Variants in NBR1 observed in about 807,000 individuals in gnomAD.
NBR1 encodes NBR1 autophagy cargo receptor, also known as next to BRCA1 gene 1 protein.
In NBR1, 59 loss-of-function variants were observed where a neutral mutation model predicts 115.5. The observed-to-expected ratio is 0.51, with a 90% CI of 0.41 to 0.63. The LOEUF (loss-of-function observed/expected upper bound fraction) is 0.63, where lower values mean the gene tolerates loss of function less well. Ranked by LOEUF, NBR1 falls within the 30% of genes least tolerant of loss-of-function variation. The pLI, the probability that NBR1 is intolerant of heterozygous loss-of-function variation, is 0.00. For missense variants in NBR1, 1,043 were observed against 1,150.5 expected (o/e 0.91, Z 1.35); for synonymous variants, 373 against 414.7 (o/e 0.90, Z 1.22).
At chr17:43,204,028 C>G (rs551065442) in intron 20 of NBR1, among the ~76,000 whole-genome samples, 6 of 151,832 alleles carry the variant, frequency 4.0e-5, no homozygotes, top group Non-Finnish European at 8.8e-5. Context: ...AGCTCCACCT[C>G]CTGGGTTCAC....
chr17:43,178,043 A>G (rs2154581959), intron 3 of NBR1, 45 bp downstream of exon 3: 1 of 1,549,074 alleles, frequency 6.5e-7, no homozygotes, highest in Non-Finnish European at 8.8e-7. Context: ...CAGAATAGGG[A>G]TCTTATTTCT....
chr17:43,197,065 C>T lies in NBR1; in HGVS notation c.1985C>T (p.Ala662Val), dbSNP rs754168452. 1.9e-6 allele frequency: 3 copies of T among 1,613,960 alleles called. 1 individual carries two copies. The highest frequency in any genetic ancestry group is 2.5e-6 in the Non-Finnish European group (3 of 1,179,862). The change falls in exon 16 of 21, where the codon GCC becomes GTC. Residue 662 changes from alanine to valine, a missense_variant. Transcript: ENST00000590996. ...ATCCGATCCCTTACCTTGGATGCTG[C>T]CCCAGACCACAACCCTCCTTGCAGA... ...TVIRSLTLDA[A>V]PDHNPPCRQK...
At position 43,179,389 on chromosome 17, in the gene NBR1, T is replaced by C. The variant is rs776062134; in HGVS notation, c.166-5T>C. 6 of 1,612,850 alleles carry C rather than the reference T, an allele frequency of 3.7e-6. No individual in the cohort carries two copies. Among genetic ancestry groups the C allele is most frequent in the Non-Finnish European group, 5.1e-6 (6 of 1,179,062 alleles). Reference sequence around the variant, plus strand: ...AATTCACTGTTGCTTTTTTTCCTTTTATAGGTATCCATCAACAGTCAAGGT... The same window carrying C: ...AATTCACTGTTGCTTTTTTTCCTTTCATAGGTATCCATCAACAGTCAAGGT... On this transcript the variant is annotated splice_polypyrimidine_tract_variant and splice_region_variant and intron_variant, in intron 3 of 20. Transcript: ENST00000590996.
chr17:43,195,684 GGTGGCCTGCACCT>G (rs2154582272), intron 14 of NBR1: 1 of 152,682 alleles, frequency 6.5e-6, no homozygotes, highest in African/African-American at 2.4e-5. Context: ...AGCTTGGCAT[GGTGGCCTGCACCT>G]GTGGTCCCAG....
intron 6 of NBR1, among the ~76,000 whole-genome samples, chr17:43,187,370 C>T (rs1376335086): frequency 1.3e-5 from 2 of 152,012 alleles, no homozygotes; most frequent in African/African-American, 4.8e-5. Flanking sequence ...TTAGTAGAGA[C>T]AGGGTTTCAC....
chr17:43,189,386 G>T (rs2056891461), intron 7 of NBR1, among the ~76,000 whole-genome samples: 1 of 152,172 alleles, frequency 6.6e-6, no homozygotes, highest in African/African-American at 2.4e-5. Flanking sequence ...CTTATCAAAA[G>T]GATGTTTTGA....
At chr17:43,202,281 T>C (rs1056492386) in intron 18 of NBR1, among the ~76,000 whole-genome samples, 3 of 151,464 alleles carry the variant, frequency 2.0e-5, no homozygotes, top group Non-Finnish European at 4.4e-5. Flanking sequence ...CTCATAGAGG[T>C]AGTGGAAAGA....
intron 16 of NBR1, among the ~76,000 whole-genome samples, chr17:43,198,232 A>G (rs1048006464): frequency 3.9e-5 from 6 of 152,190 alleles, no homozygotes; most frequent in African/African-American, 1.4e-4. Context: ...AGATAGAACC[A>G]ATAGCATATA....
In NBR1 at chr17:43,179,915, G is replaced by A. The variant is rs116530599; in HGVS notation, c.184+503G>A. On this transcript the variant is annotated intron_variant, in intron 4 of 20. Coordinates refer to ENST00000590996, the MANE Select transcript of NBR1 (RefSeq NM_005899.5). ...AACATTGAACTCTCAGTGCGTAAATGTGAGGGACCTGGGTTGAGATTTTGT... is the reference window on the plus strand; with the variant it reads ...AACATTGAACTCTCAGTGCGTAAATATGAGGGACCTGGGTTGAGATTTTGT... Among the ~76,000 whole-genome samples, 1,354 of 152,278 alleles carry A rather than the reference G, an allele frequency of 8.9e-3. 19 individuals are homozygous for A. Among genetic ancestry groups the A allele is most frequent in the African/African-American group, 0.031 (1,278 of 41,542 alleles).
chr17:43,199,170 C>T (rs967463685), intron 16 of NBR1, among the ~76,000 whole-genome samples: 4 of 151,480 alleles, frequency 2.6e-5, no homozygotes, highest in African/African-American at 9.7e-5. Context: ...GCAGCCACAA[C>T]ATCCTGGGGT....
chr17:43,193,018 C>T, intron 10 of NBR1, 76 bp from the exon 11 acceptor site: 3 of 1,442,598 alleles, frequency 2.1e-6, no homozygotes, highest in Non-Finnish European at 2.9e-6. Flanking sequence ...CACAGTCAGA[C>T]TCTCAAGCTA....
At chr17:43,172,426 G>A (rs2056399768) in intron 1 of NBR1, among the ~76,000 whole-genome samples, 1 of 152,182 alleles carries the variant, frequency 6.6e-6, no homozygotes, top group Non-Finnish European at 1.5e-5. Context: ...AAGAGAGGAA[G>A]ATTCATTTCC....
chr17:43,183,961 C>T (rs892018484), intron 5 of NBR1, among the ~76,000 whole-genome samples: 2 of 152,124 alleles, frequency 1.3e-5, no homozygotes, highest in Non-Finnish European at 2.9e-5. Context: ...TACCCAGCTA[C>T]CACACCTGGC....
At chr17:43,176,380 A>T (rs1357885043) in intron 2 of NBR1, 1 of 152,596 alleles carries the variant, frequency 6.6e-6, no homozygotes, top group Non-Finnish European at 1.5e-5. Context: ...CTTAGACAGC[A>T]GTTCACCTGT....
chr17:43,197,232 G>A, intron 16 of NBR1, 126 bp downstream of exon 16: 1 of 993,860 alleles, frequency 1.0e-6, no homozygotes. Flanking sequence ...TAGAAGTTCT[G>A]ATCTTGGCGG....
At chr17:43,187,526 T>TG (rs2056844053) in intron 6 of NBR1, among the ~76,000 whole-genome samples, 1 of 114,636 alleles carries the variant, frequency 8.7e-6, no homozygotes, top group Admixed American at 8.9e-5. Flanking sequence ...TTTTTTTTTT[T>TG]GAGACAGAGT....
At chr17:43,181,238 A>T (rs2056656379) in intron 5 of NBR1, among the ~76,000 whole-genome samples, 1 of 152,226 alleles carries the variant, frequency 6.6e-6, no homozygotes, top group Non-Finnish European at 1.5e-5. Context: ...TAGTACGTAT[A>T]AACACAGTGA....
intron 17 of NBR1, among the ~76,000 whole-genome samples, chr17:43,201,020 C>T (rs566114094): frequency 6.6e-6 from 1 of 152,210 alleles, no homozygotes; most frequent in East Asian, 1.9e-4. Flanking sequence ...AGGCATGGGC[C>T]ACCACACCTA....
chr17:43,187,505 T>G (rs2056842319), intron 6 of NBR1, among the ~76,000 whole-genome samples: 1 of 128,780 alleles, frequency 7.8e-6, no homozygotes, highest in Non-Finnish European at 1.6e-5. Flanking sequence ...TTCCTGACTT[T>G]TTTTTTTTTT....
Sources: allele counts gnomAD v4.1 joint callset (sites outside exome capture counted in the v4.1 genomes callset), GRCh38; gene constraint gnomAD v4.1.1; transcripts MANE v1.5; gene names NCBI Gene and HGNC (gene_info 2026-07-23, HGNC 2026-07-21).